The following SRPK1 variants were observed in gnomAD, a reference collection of about 807,000 sequenced individuals.
SRPK1 encodes the protein SFRS protein kinase 1.
A neutral mutation model predicts 89.5 loss-of-function variants in SRPK1; 52 were observed. That is an observed-to-expected ratio of 0.58 (90% CI 0.46 to 0.73). SRPK1 has a LOEUF of 0.73. Among genes scored for constraint, SRPK1 ranks in the 30% least tolerant of loss-of-function variants. The probability of loss-of-function intolerance (pLI) is 0.00; values close to 1 mark genes in which losing one functional copy is unlikely to be tolerated. For synonymous variants in SRPK1, 255 were observed against 270.2 expected (o/e 0.94, Z 0.55); for missense variants, 603 against 780.6 (o/e 0.77, Z 2.71).
intron 12 of SRPK1, among the ~76,000 whole-genome samples, chr6:35,867,739 TC>T (rs1769937671): frequency 6.6e-6 from 1 of 151,892 alleles, no homozygotes; most frequent in South Asian, 2.1e-4. Context: ...ATCACCTGAA[TC>T]CGGGAGGCAG....
At chr6:35,909,983 T>C (rs887400270) in intron 2 of SRPK1, among the ~76,000 whole-genome samples, 5 of 152,064 alleles carry the variant, frequency 3.3e-5, no homozygotes, top group African/African-American at 1.2e-4. Context: ...CAAGCCTCAT[T>C]TCTTTCTTTT....
chr6:35,857,452 A>G, intron 12 of SRPK1, 84 bp from the exon 13 acceptor site: 1 of 1,150,920 alleles, frequency 8.7e-7, no homozygotes, highest in Non-Finnish European at 1.3e-6. Context: ...GATGAAAATA[A>G]ACTCTCTGAA....
Position 35,835,380 on chromosome 6 carries a change from A to G in SRPK1, c.1892T>C (p.Leu631Pro). The change falls in exon 16 of 16, where the codon CTG (leucine) becomes CCG (proline). Residue 631 changes from leucine (L) to proline (P), a missense_variant. By Grantham distance (98) the Leu-to-Pro change is moderately conservative (BLOSUM62 -3). Coordinates refer to ENST00000373825, the MANE Select transcript of SRPK1 (RefSeq NM_003137.5). ...EEAAGFTDFL[L>P]PMLELIPEKR... Reference sequence around the variant, plus strand: ...CTCAGGGATCAGCTCCAACATGGGCAGTAAGAAATCTGTGAAGCCAGCTGC... The same window carrying G: ...CTCAGGGATCAGCTCCAACATGGGCGGTAAGAAATCTGTGAAGCCAGCTGC... The G allele has an allele frequency of 6.2e-7, 1 of 1,613,874 alleles. No individual in the cohort carries two copies. Among genetic ancestry groups the G allele is most frequent in the Non-Finnish European group, 8.5e-7 (1 of 1,179,842 alleles).
At chr6:35,877,260 T>C (rs931199075) in intron 6 of SRPK1, among the ~76,000 whole-genome samples, 2 of 152,064 alleles carry the variant, frequency 1.3e-5, no homozygotes, top group African/African-American at 4.8e-5. Flanking sequence ...TAACAAATCA[T>C]AAAAGTAAAA....
At chr6:35,870,154 A>C in intron 10 of SRPK1, 127 bp downstream of exon 10, 1 of 902,904 alleles carries the variant, frequency 1.1e-6, no homozygotes, top group Non-Finnish European at 1.6e-6. Flanking sequence ...ATTTATGACA[A>C]GATCCATATT....
intron 2 of SRPK1, among the ~76,000 whole-genome samples, chr6:35,917,245 A>C (rs1771130288): frequency 6.6e-6 from 1 of 152,202 alleles, no homozygotes; most frequent in Admixed American, 6.5e-5. Context: ...CAAACCCCCA[A>C]GCATCCAGAG....
At chr6:35,862,073 T>TAAC (rs201751746) in intron 12 of SRPK1, among the ~76,000 whole-genome samples, 1,520 of 151,648 alleles carry the variant, frequency 0.01, 16 homozygotes, top group East Asian at 0.039. Flanking sequence ...CCATCACAGC[T>TAAC]AACAACAACA....
At chr6:35,911,999 C>G (rs370306152) in intron 2 of SRPK1, among the ~76,000 whole-genome samples, 17 of 151,974 alleles carry the variant, frequency 1.1e-4, no homozygotes, top group African/African-American at 3.6e-4. Context: ...GCTACTCCAA[C>G]CTTGAGCAGC....
chr6:35,880,471 C>T (rs1468574708), intron 6 of SRPK1, among the ~76,000 whole-genome samples: 2 of 151,556 alleles, frequency 1.3e-5, no homozygotes, highest in Non-Finnish European at 2.9e-5. Flanking sequence ...GCCTGTAATC[C>T]CAGCACTTTG....
rs569855447 is a variant in SRPK1 at position 35,893,062 on chromosome 6, ATT to A, written c.75-2051_75-2050del. Among the ~76,000 whole-genome samples, 572 of 152,326 alleles carry A rather than the reference ATT, an allele frequency of 3.8e-3. 5 individuals carry two copies. The highest frequency in any genetic ancestry group is 0.013 in the African/African-American group (553 of 41,580). On this transcript the variant is annotated intron_variant, in intron 2 of 15. Coordinates refer to ENST00000373825, the MANE Select transcript of SRPK1 (RefSeq NM_003137.5). ...GTAACTGAAAACATGTCTTTGGGAA[ATT>A]TATTTAGTAATACACTGGCCCACTT...
intron 12 of SRPK1, among the ~76,000 whole-genome samples, chr6:35,866,785 G>C (rs147777026): frequency 1.3e-5 from 2 of 152,114 alleles, no homozygotes; most frequent in Non-Finnish European, 2.9e-5. Flanking sequence ...AAGTGTCTAG[G>C]AGTAGATAAA....
intron 6 of SRPK1, among the ~76,000 whole-genome samples, chr6:35,874,586 A>C (rs1449384940): frequency 6.6e-6 from 1 of 152,232 alleles, no homozygotes; most frequent in Admixed American, 6.5e-5. Context: ...ATGTACATTA[A>C]AATACTCAAT....
rs1321406730 is a variant in SRPK1, at chr6:35,870,475, T to C, written c.797A>G (p.Asn266Ser). The C allele has an allele frequency of 6.4e-7, 1 of 1,551,376 alleles. No individual in the cohort carries two copies. Among genetic ancestry groups the C allele is most frequent in the African/African-American group, 1.4e-5 (1 of 73,038 alleles). ...CTTCTTCTTCAATTTCTTCTTCTTA[T>C]TCTTTGACATTTTGTCAGCCTGGGC... The part of the protein sequence containing the change: ...QPKPADKMSK[N>S]KKKKLKKKQK... Residue 266 changes from asparagine to serine, a missense_variant, in exon 10 of 16, where the codon AAT (asparagine) becomes AGT (serine). Coordinates refer to ENST00000373825, the MANE Select transcript of SRPK1 (RefSeq NM_003137.5).
intron 6 of SRPK1, among the ~76,000 whole-genome samples, chr6:35,886,030 C>A (rs62403667): frequency 2.6e-5 from 4 of 151,468 alleles, no homozygotes; most frequent in Non-Finnish European, 5.9e-5. Flanking sequence ...CATCCAGTTT[C>A]TTTCTTCCTT....
At chr6:35,903,985 T>C (rs1770796720) in intron 2 of SRPK1, among the ~76,000 whole-genome samples, 1 of 152,006 alleles carries the variant, frequency 6.6e-6, no homozygotes. Context: ...TTTTTTTTTT[T>C]TAAAGACAGG....
rs369955284 is a variant in SRPK1 at position 35,874,195 on chromosome 6, A to C, written c.585+38T>G. The C allele has an allele frequency of 2.0e-4, 291 of 1,447,396 alleles. No homozygotes were observed. The African/African-American group carries it at 3.5e-3, about 17-fold the overall frequency. The allele number at this position is 1,447,396 out of a possible 1,614,324, so 89.7% of individuals were successfully genotyped here. ...CAAGAATATTAAAAAATCACTACATAGTCAAGACTAAGATACTTGCTGATT... is the reference window on the plus strand; with the variant it reads ...CAAGAATATTAAAAAATCACTACATCGTCAAGACTAAGATACTTGCTGATT... On this transcript the variant is annotated intron_variant, in intron 7 of 15. Transcript: ENST00000373825.
rs536415483 is a variant in SRPK1, at chr6:35,892,675, A to G, written c.75-1662T>C. On this transcript the variant is annotated intron_variant, in intron 2 of 15. Coordinates refer to ENST00000373825, the MANE Select transcript of SRPK1 (RefSeq NM_003137.5). Reference sequence around the variant, plus strand: ...TAAAAACAACAACAACAACAACAACAACAACAACAACAACGACAACAACAC... The same window carrying G: ...TAAAAACAACAACAACAACAACAACGACAACAACAACAACGACAACAACAC... Among the ~76,000 whole-genome samples, 270 of 139,780 alleles carry G rather than the reference A, an allele frequency of 1.9e-3. 1 individual carries two copies. Among genetic ancestry groups the G allele is most frequent in the Middle Eastern group, 0.011 (3 of 282 alleles). The allele number at this position is 139,780 out of a possible 152,430, so 91.7% of individuals were successfully genotyped here.
intron 8 of SRPK1, among the ~76,000 whole-genome samples, chr6:35,871,935 C>T (rs1770044879): frequency 6.6e-6 from 1 of 152,012 alleles, no homozygotes; most frequent in African/African-American, 2.4e-5. Flanking sequence ...GAGACAGGGT[C>T]TTACTGTGTT....
intron 6 of SRPK1, among the ~76,000 whole-genome samples, chr6:35,882,087 A>G (rs992476611): frequency 1.3e-5 from 2 of 148,936 alleles, no homozygotes; most frequent in East Asian, 3.9e-4. Context: ...TAGTAGTAGC[A>G]GTAGTAGTAG....
Sources: gnomAD v4.1 joint callset for allele counts (sites outside exome capture counted in the v4.1 genomes callset) on GRCh38, gnomAD v4.1.1 for gene constraint, MANE v1.5 for transcripts, NCBI Gene and HGNC (gene_info 2026-07-23, HGNC 2026-07-21) for gene names.